Variants in RNF111 observed in about 807,000 individuals in gnomAD.
RNF111 encodes the protein E3 ubiquitin-protein ligase Arkadia.
Under a neutral mutation model 95.1 loss-of-function variants are expected in RNF111, and 17 were observed. The observed-to-expected ratio is 0.18, with a 90% CI of 0.12 to 0.27. The LOEUF is 0.27. Ranked by LOEUF, RNF111 falls within the 10% of genes least tolerant of loss-of-function variation. The pLI is 1.00. For synonymous variants in RNF111, 440 were observed against 414.8 expected (o/e 1.06, Z -0.74); for missense variants, 1,189 against 1,210.4 (o/e 0.98, Z 0.26).
intron 5 of RNF111, among the ~76,000 whole-genome samples, chr15:59,066,459 A>C (rs1041097343): frequency 1.3e-5 from 2 of 152,114 alleles, no homozygotes; most frequent in African/African-American, 4.8e-5. Context: ...AAAAATACAA[A>C]ATAAGCTGGG....
chr15:59,070,547 A>G (rs1336959543), intron 6 of RNF111, among the ~76,000 whole-genome samples: 1 of 152,218 alleles, frequency 6.6e-6, no homozygotes, highest in Non-Finnish European at 1.5e-5. Context: ...CTTAAACCGT[A>G]TTTACCTGCA....
chr15:59,067,914 T>C lies in RNF111; in HGVS notation c.1686+831T>C, dbSNP rs539530517. 1.7e-3 allele frequency among the ~76,000 whole-genome samples: 265 copies of C among 152,348 alleles called. 1 individual carries two copies. Among genetic ancestry groups the C allele is most frequent in the African/African-American group, 6.2e-3 (258 of 41,576 alleles). On this transcript the variant is annotated intron_variant, in intron 6 of 13. Transcript: ENST00000348370. ...AGGGGCAGATGAGGTTTTCAGTTTATGGAGAATCAAAATGTCAGCAAAAAA... is the reference window on the plus strand; with the variant it reads ...AGGGGCAGATGAGGTTTTCAGTTTACGGAGAATCAAAATGTCAGCAAAAAA...
Position 59,068,389 on chromosome 15 carries a change from C to G in RNF111, c.1686+1306C>G, listed in dbSNP as rs142478514. 1.3e-3 allele frequency among the ~76,000 whole-genome samples: 193 copies of G among 152,236 alleles called. 1 individual carries two copies. The highest frequency in any genetic ancestry group is 4.5e-3 in the African/African-American group (185 of 41,542). ...TGGGAGGCCAAGGCAAGTGGATCAC[C>G]TGAGGTCAGAAGTTCAAGACCAGCC... On this transcript the variant is annotated intron_variant, in intron 6 of 13. Transcript: ENST00000348370.
chr15:59,017,142 C>T (rs1418312525), intron 1 of RNF111, among the ~76,000 whole-genome samples: 1 of 151,800 alleles, frequency 6.6e-6, no homozygotes. Flanking sequence ...CAAACCACAC[C>T]CACCCACCCC....
intron 2 of RNF111, among the ~76,000 whole-genome samples, chr15:59,041,961 A>ATTTTTTTTTTTTTTTTT (rs79347638): frequency 8.0e-5 from 8 of 100,106 alleles, no homozygotes; most frequent in East Asian, 2.9e-4. Context: ...GTCTGTTCAT[A>ATTTTTTTTTTTTTTTTT]TTTTTTTTTT....
In RNF111 at chr15:59,058,404, C is replaced by T. The variant is rs1361501972; in HGVS notation, c.1220C>T (p.Thr407Ile). The part of the protein sequence containing the change: ...TTSARMESQA[T>I]SASINNSNPS... The stretch of plus-strand genomic sequence containing the variant: ...TCTGCAAGAATGGAATCACAAGCTA[C>T]TAGCGCTTCCATTAACAATTCAAAT... The change falls in exon 5 of 14, where the codon ACT becomes ATT. Residue 407 changes from threonine to isoleucine, a missense_variant. Coordinates refer to ENST00000348370, the MANE Select transcript of RNF111 (RefSeq NM_017610.8). 23 of 1,613,996 alleles carry T rather than the reference C, an allele frequency of 1.4e-5. No individual in the cohort carries two copies. The highest frequency in any genetic ancestry group is 1.8e-5 in the Non-Finnish European group (21 of 1,179,982).
chr15:59,072,641 A>G (rs1433133380), intron 6 of RNF111, among the ~76,000 whole-genome samples: 3 of 150,276 alleles, frequency 2.0e-5, no homozygotes, highest in African/African-American at 7.3e-5. Context: ...TTTAGTAGAG[A>G]CGGGGTTTCA....
At chr15:58,997,205 C>A (rs1567197710) in intron 1 of RNF111, among the ~76,000 whole-genome samples, 1 of 152,104 alleles carries the variant, frequency 6.6e-6, no homozygotes, top group East Asian at 1.9e-4. Context: ...TGACCCAAGT[C>A]TTTTCTCTGA....
intron 1 of RNF111, among the ~76,000 whole-genome samples, chr15:59,009,426 G>T (rs2141526135): frequency 6.6e-6 from 1 of 151,480 alleles, no homozygotes; most frequent in Non-Finnish European, 1.5e-5. Flanking sequence ...GTGACCAAAT[G>T]GTGATGACTT....
chr15:59,030,163 A>G (rs566256678), intron 1 of RNF111, among the ~76,000 whole-genome samples: 2 of 151,688 alleles, frequency 1.3e-5, no homozygotes, highest in South Asian at 4.1e-4. Context: ...AATGATCTTC[A>G]GCAGCCCACA....
chr15:59,082,349 A>G (rs114239946), intron 8 of RNF111, among the ~76,000 whole-genome samples: 7,663 of 152,290 alleles, frequency 0.05, 397 homozygotes, highest in African/African-American at 0.13. Context: ...GGTAAAAATC[A>G]GTGTTAAAAT....
Position 59,084,111 on chromosome 15 carries a change from T to G in RNF111, c.2298-18T>G. On this transcript the variant is annotated intron_variant, in intron 8 of 13. Coordinates refer to ENST00000348370, the MANE Select transcript of RNF111 (RefSeq NM_017610.8). The stretch of plus-strand genomic sequence containing the variant: ...ATTCAATTATTTCCAGTGGTCTTTT[T>G]GTGTTCTGTGTTTCCAGGCGGGCAC... 1.9e-6 allele frequency: 3 copies of G among 1,568,832 alleles called. No individual in the cohort carries two copies. Among genetic ancestry groups the G allele is most frequent in the Non-Finnish European group, 2.6e-6 (3 of 1,159,308 alleles).
rs542191411 is a variant in RNF111, at chr15:59,084,646, T to C, written c.2423+392T>C. On this transcript the variant is annotated intron_variant, in intron 9 of 13. Transcript: ENST00000348370. ...GTATATTTAAAATCTTTTGTCGCAG[T>C]TTTGAAATAAACGGTACGTTATTCT... Among the ~76,000 whole-genome samples, 120 of 152,260 alleles carry C rather than the reference T, an allele frequency of 7.9e-4. 1 individual carries two copies. Among genetic ancestry groups the C allele is most frequent in the Middle Eastern group, 3.4e-3 (1 of 294 alleles).
At chr15:59,038,910 G>GT (rs1386696112) in intron 2 of RNF111, among the ~76,000 whole-genome samples, 5 of 152,078 alleles carry the variant, frequency 3.3e-5, no homozygotes, top group Admixed American at 2.0e-4. Flanking sequence ...TTTCTGTAAT[G>GT]TTTTTTAGCA....
intron 1 of RNF111, among the ~76,000 whole-genome samples, chr15:59,010,559 A>T (rs779348889): frequency 2.6e-5 from 4 of 151,828 alleles, no homozygotes; most frequent in Non-Finnish European, 5.9e-5. Flanking sequence ...CCACCACCAC[A>T]CCTAACTAAT....
chr15:59,062,356 A>G (rs1462339500), intron 5 of RNF111, among the ~76,000 whole-genome samples: 4 of 152,068 alleles, frequency 2.6e-5, no homozygotes, highest in Admixed American at 6.5e-5. Context: ...TTAGACTTTC[A>G]TATCCAATTG....
intron 1 of RNF111, among the ~76,000 whole-genome samples, chr15:59,020,162 T>G (rs1479143560): frequency 2.0e-5 from 3 of 148,740 alleles, no homozygotes; most frequent in African/African-American, 7.3e-5. Context: ...TAAAATTTGT[T>G]AGATATGTAA....
chr15:59,096,794 C>G lies in RNF111; in HGVS notation c.*1894C>G, dbSNP rs1239111874. 6.6e-6 allele frequency: 1 copy of G among 152,176 alleles called. No individual in the cohort carries two copies. Among genetic ancestry groups the G allele is most frequent in the Non-Finnish European group, 1.5e-5 (1 of 68,044 alleles). The allele number at this position is 152,176 out of a possible 1,614,324, so 9.4% of individuals were successfully genotyped here. A position where few individuals can be genotyped will look rare whatever the true frequency, so the allele number is the denominator to read the frequency against. On this transcript the variant is annotated 3_prime_UTR_variant, in exon 14 of 14. Transcript: ENST00000348370. Reference sequence around the variant, plus strand: ...AAGTAAGTAGCCTGTAATGGATGTACTACTTTGCCACTGGAATACCCCGGG... The same window carrying G: ...AAGTAAGTAGCCTGTAATGGATGTAGTACTTTGCCACTGGAATACCCCGGG...
intron 1 of RNF111, among the ~76,000 whole-genome samples, chr15:59,027,530 TTTC>T (rs1167612073): frequency 6.6e-6 from 1 of 151,398 alleles, no homozygotes; most frequent in East Asian, 1.9e-4. Context: ...TATACCTTTT[TTTC>T]TTTTTTTTTT....
Sources: gnomAD v4.1 joint callset for allele counts (sites outside exome capture counted in the v4.1 genomes callset) on GRCh38, gnomAD v4.1.1 for gene constraint, MANE v1.5 for transcripts, NCBI Gene and HGNC (gene_info 2026-07-23, HGNC 2026-07-21) for gene names.